Variants in ATP13A4 observed in about 807,000 individuals in gnomAD.
The protein encoded by ATP13A4 is probable cation-transporting ATPase 13A4.
A neutral mutation model predicts 142.5 loss-of-function variants in ATP13A4; 114 were observed. The observed-to-expected ratio is 0.80, with a 90% CI of 0.69 to 0.93. The LOEUF is 0.93. ATP13A4 is among the 40% of genes least tolerant of loss of function. The pLI is 0.00. For missense variants in ATP13A4, 1,392 were observed against 1,454.0 expected, an observed-to-expected ratio of 0.96 and a Z score of 0.69; for synonymous variants, 488 against 514.8, an observed-to-expected ratio of 0.95 and a Z score of 0.70.
In ATP13A4 at chr3:193,527,454, A is replaced by G. The variant is rs1051358279; in HGVS notation, c.61-12583T>C. 3.9e-5 allele frequency among the ~76,000 whole-genome samples: 6 copies of G among 152,212 alleles called. No homozygotes were observed. The East Asian group carries it at 1.2e-3, about 29-fold the overall frequency. On this transcript the variant is annotated intron_variant, in intron 1 of 29. Coordinates refer to ENST00000342695, the MANE Select transcript of ATP13A4 (RefSeq NM_032279.4). ...TGGTGAAACCCCGTCTCTACTAAAA[A>G]TACAAAAATTAGCTGGGCATGGTGA...
chr3:193,560,151 C>A (rs996509667), intron 2 of ATP13A4, among the ~76,000 whole-genome samples: 3 of 151,912 alleles, frequency 2.0e-5, no homozygotes, highest in Non-Finnish European at 4.4e-5. Context: ...TCACAATCTG[C>A]GAAAGCTAAA....
At chr3:193,473,509 G>A (rs959590680) in intron 8 of ATP13A4, among the ~76,000 whole-genome samples, 7 of 152,170 alleles carry the variant, frequency 4.6e-5, no homozygotes, top group Non-Finnish European at 8.8e-5. Context: ...GTGAAAAATT[G>A]ATGAAGATGG....
intron 8 of ATP13A4, 30 bp from the exon 9 acceptor site, chr3:193,471,023 A>G (rs1718590124): frequency 6.2e-7 from 1 of 1,614,058 alleles, no homozygotes. Context: ...GAGTTGAGTC[A>G]GGTTATTTTC....
intron 7 of ATP13A4, among the ~76,000 whole-genome samples, chr3:193,486,845 T>C (rs1719653693): frequency 6.6e-6 from 1 of 152,162 alleles, no homozygotes; most frequent in African/African-American, 2.4e-5. Flanking sequence ...CAAGATATAT[T>C]AATAGTAATT....
intron 25 of ATP13A4, among the ~76,000 whole-genome samples, chr3:193,424,941 C>T (rs1715581407): frequency 1.4e-5 from 2 of 147,428 alleles, no homozygotes; most frequent in Admixed American, 7.1e-5. Flanking sequence ...TAAAATAGCC[C>T]CTGACAAGGG....
At chr3:193,440,743 G>GAA (rs960818901) in intron 20 of ATP13A4, 106 bp from the exon 21 acceptor site, 15 of 1,137,850 alleles carry the variant, frequency 1.3e-5, no homozygotes, top group Non-Finnish European at 1.7e-5. Flanking sequence ...TTACGATGAA[G>GAA]AAAAAAAAAA....
At chr3:193,510,335 G>A (rs537756774) in intron 2 of ATP13A4, among the ~76,000 whole-genome samples, 1 of 152,222 alleles carries the variant, frequency 6.6e-6, no homozygotes, top group Non-Finnish European at 1.5e-5. Context: ...AACATCAAAC[G>A]GAAGTGCCTT....
intron 19 of ATP13A4, 43 bp from the exon 20 acceptor site, chr3:193,441,631 A>G (rs1265100628): frequency 6.2e-7 from 1 of 1,602,862 alleles, no homozygotes; most frequent in Non-Finnish European, 8.5e-7. Context: ...TTCATTTGAC[A>G]GAGTGGTTAG....
In ATP13A4 at chr3:193,464,920, T is replaced by A. The variant is rs934262886; in HGVS notation, c.1461+20A>T. 1.9e-6 allele frequency: 3 copies of A among 1,608,328 alleles called. No homozygotes were observed. The highest frequency in any genetic ancestry group is 2.6e-6 in the Non-Finnish European group (3 of 1,175,006). On this transcript the variant is annotated intron_variant, in intron 12 of 29. Coordinates refer to ENST00000342695, the MANE Select transcript of ATP13A4 (RefSeq NM_032279.4). ...GCAATGGTAAAAATGATGATAAGAA[T>A]AAGGATGAAACACACATACCTTGTC...
intron 3 of ATP13A4, among the ~76,000 whole-genome samples, chr3:193,496,572 C>G (rs1173939246): frequency 6.6e-6 from 1 of 152,092 alleles, no homozygotes; most frequent in Non-Finnish European, 1.5e-5. Context: ...AGATGGATCA[C>G]TTGAGGTCAG....
chr3:193,418,536 C>T (rs1390231626), intron 25 of ATP13A4, among the ~76,000 whole-genome samples: 1 of 149,590 alleles, frequency 6.7e-6, no homozygotes, highest in Non-Finnish European at 1.5e-5. Context: ...TAGTACTCCA[C>T]ATCCCAGGAA....
chr3:193,577,092 C>G (rs949178512), intron 2 of ATP13A4, among the ~76,000 whole-genome samples: 2 of 152,216 alleles, frequency 1.3e-5, no homozygotes, highest in Non-Finnish European at 2.9e-5. Context: ...ATACATTGCC[C>G]TCCTAAGAGG....
intron 2 of ATP13A4, among the ~76,000 whole-genome samples, chr3:193,562,042 G>T (rs1209076280): frequency 6.6e-6 from 1 of 152,130 alleles, no homozygotes; most frequent in Non-Finnish European, 1.5e-5. Flanking sequence ...AGCTTTGTTG[G>T]TTGCTCTGTT....
chr3:193,450,161 G>A (rs1335929058), intron 17 of ATP13A4, among the ~76,000 whole-genome samples: 1 of 150,980 alleles, frequency 6.6e-6, no homozygotes, highest in African/African-American at 2.4e-5. Context: ...TTGCTCCCTT[G>A]TCATATTACT....
chr3:193,474,732 GAAAGAAAGAAAGAAAGGAA>G (rs947525998), intron 8 of ATP13A4, among the ~76,000 whole-genome samples: 1 of 39,778 alleles, frequency 2.5e-5, no homozygotes, highest in African/African-American at 1.2e-4. Flanking sequence ...GAAAGAAAGA[GAAAGAAAGAAAGAAAGGAA>G]AAAGAAAGAA....
chr3:193,540,825 G>T (rs1362782439), intron 1 of ATP13A4, among the ~76,000 whole-genome samples: 2 of 152,106 alleles, frequency 1.3e-5, no homozygotes, highest in East Asian at 3.9e-4. Context: ...AATAAGACTG[G>T]AAAGTAAATA....
chr3:193,537,672 A>C (rs1560267136), intron 1 of ATP13A4, among the ~76,000 whole-genome samples: 1 of 152,216 alleles, frequency 6.6e-6, no homozygotes, highest in Non-Finnish European at 1.5e-5. Flanking sequence ...GAATGAGAGA[A>C]AACATCTGTA....
At chr3:193,415,285 A>G (rs1311131542) in intron 25 of ATP13A4, among the ~76,000 whole-genome samples, 3 of 152,208 alleles carry the variant, frequency 2.0e-5, no homozygotes, top group African/African-American at 7.2e-5. Context: ...AATGACAAAT[A>G]ATAGGTGATA....
At chr3:193,419,619 A>G (rs1174359159) in intron 25 of ATP13A4, among the ~76,000 whole-genome samples, 1 of 147,344 alleles carries the variant, frequency 6.8e-6, no homozygotes, top group Non-Finnish European at 1.5e-5. Context: ...CAAGGAATCA[A>G]TGCTTTGGCC....
Sources: allele counts gnomAD v4.1 joint callset (sites outside exome capture counted in the v4.1 genomes callset), GRCh38; gene constraint gnomAD v4.1.1; transcripts MANE v1.5; gene names NCBI Gene and HGNC (gene_info 2026-07-23, HGNC 2026-07-21).